Variants in FHIT observed in about 807,000 individuals in gnomAD.
FHIT encodes bis(5'-adenosyl)-triphosphatase.
In FHIT, 19 loss-of-function variants were observed where a neutral mutation model predicts 17.9. That is an observed-to-expected ratio of 1.06 (90% confidence interval 0.74 to 1.56). The LOEUF is 1.56. Ranked by LOEUF, FHIT falls within the 40% of genes most tolerant of loss-of-function variation. The pLI, the probability that FHIT is intolerant of heterozygous loss-of-function variation, is 0.00. For synonymous variants in FHIT, 81 were observed against 69.7 expected, an observed-to-expected ratio of 1.16 and a Z score of -0.81; for missense variants, 248 against 189.2, an observed-to-expected ratio of 1.31 and a Z score of -1.82.
intron 5 of FHIT, among the ~76,000 whole-genome samples, chr3:60,112,833 C>T (rs1277358676): frequency 6.6e-6 from 1 of 152,146 alleles, no homozygotes; most frequent in African/African-American, 2.4e-5. Flanking sequence ...TATGTTCTAA[C>T]AGTAGAGAAG....
chr3:59,845,537 TG>T (rs1453813512), intron 8 of FHIT, among the ~76,000 whole-genome samples: 1 of 152,140 alleles, frequency 6.6e-6, no homozygotes, highest in African/African-American at 2.4e-5. Context: ...TTAATCCAGT[TG>T]TTGCTTAAGA....
intron 4 of FHIT, among the ~76,000 whole-genome samples, chr3:60,686,781 G>A (rs2040870871): frequency 6.6e-6 from 1 of 152,194 alleles, no homozygotes; most frequent in Non-Finnish European, 1.5e-5. Context: ...GGTTCATAAG[G>A]CCAGAAAGAC....
intron 2 of FHIT, among the ~76,000 whole-genome samples, chr3:61,134,100 T>TACACACACACAC (rs150931006): frequency 0.046 from 6,250 of 134,844 alleles, 304 homozygotes; most frequent in African/African-American, 0.11. Context: ...CACACACACA[T>TACACACACACAC]ACACACACAC....
chr3:60,300,121 T>C (rs1325731532), intron 5 of FHIT, among the ~76,000 whole-genome samples: 1 of 152,096 alleles, frequency 6.6e-6, no homozygotes, highest in Non-Finnish European at 1.5e-5. Context: ...CTAGCTGATC[T>C]GACTTCTCTC....
At chr3:60,912,842 T>C in intron 3 of FHIT, 4 of 501,738 alleles carry the variant, frequency 8.0e-6, no homozygotes, top group Non-Finnish European at 4.0e-6. Flanking sequence ...CTATATAAGG[T>C]CACATTTTAA....
intron 4 of FHIT, among the ~76,000 whole-genome samples, chr3:60,805,232 C>G (rs1397978835): frequency 6.6e-6 from 1 of 152,176 alleles, no homozygotes; most frequent in Non-Finnish European, 1.5e-5. Flanking sequence ...AGAAATATGT[C>G]AATTACCACC....
chr3:60,006,717 G>T (rs998638869), intron 7 of FHIT, among the ~76,000 whole-genome samples: 1 of 151,378 alleles, frequency 6.6e-6, no homozygotes, highest in Admixed American at 6.6e-5. Flanking sequence ...AAGGTGCACA[G>T]TTAGGAAGTT....
chr3:60,501,644 C>T (rs2034529784), intron 5 of FHIT, among the ~76,000 whole-genome samples: 1 of 152,168 alleles, frequency 6.6e-6, no homozygotes, highest in African/African-American at 2.4e-5. Context: ...ATGGCAGAGT[C>T]CGGAATCTCC....
intron 8 of FHIT, among the ~76,000 whole-genome samples, chr3:59,758,265 T>C (rs982979034): frequency 1.3e-5 from 2 of 152,226 alleles, no homozygotes; most frequent in African/African-American, 4.8e-5. Context: ...GCAAGGCAAC[T>C]TGTACCCATG....
intron 4 of FHIT, among the ~76,000 whole-genome samples, chr3:60,654,189 A>G (rs895791869): frequency 6.6e-6 from 1 of 152,180 alleles, no homozygotes; most frequent in Non-Finnish European, 1.5e-5. Flanking sequence ...CTTCCTGTAA[A>G]GCCTGCAGAA....
intron 5 of FHIT, among the ~76,000 whole-genome samples, chr3:60,123,920 C>A (rs1244728872): frequency 7.1e-6 from 1 of 140,378 alleles, no homozygotes; most frequent in African/African-American, 2.7e-5. Context: ...CTATCCACGA[C>A]TTAGTTTTGT....
intron 4 of FHIT, among the ~76,000 whole-genome samples, chr3:60,679,774 T>A (rs1293694657): frequency 2.0e-5 from 3 of 152,122 alleles, no homozygotes; most frequent in Non-Finnish European, 4.4e-5. Context: ...AATATCCCCA[T>A]GCCCAATTCC....
intron 8 of FHIT, among the ~76,000 whole-genome samples, chr3:59,798,824 G>T (rs1699881039): frequency 6.6e-6 from 1 of 152,248 alleles, no homozygotes; most frequent in Non-Finnish European, 1.5e-5. Context: ...TGGTTCGAAA[G>T]AGATTTCAGA....
intron 5 of FHIT, among the ~76,000 whole-genome samples, chr3:60,386,354 T>A (rs1701011843): frequency 6.6e-6 from 1 of 152,140 alleles, no homozygotes; most frequent in African/African-American, 2.4e-5. Flanking sequence ...ATTTGAGGGA[T>A]TCAAGGACTT....
chr3:60,814,059 A>G (rs1190056109), intron 4 of FHIT, among the ~76,000 whole-genome samples: 4 of 151,814 alleles, frequency 2.6e-5, no homozygotes, highest in Non-Finnish European at 5.9e-5. Context: ...ATTTTTTTGA[A>G]TATTTATTTA....
chr3:60,756,070 A>T lies in FHIT; in HGVS notation c.-18+65849T>A, dbSNP rs146534450. ...TTGTAACCTTCACCGTTCCAAGTTC[A>T]TCTAAAAGAATAAAGAAAATACCTG... On this transcript the variant is annotated intron_variant, in intron 4 of 9. Transcript: ENST00000492590. Among the ~76,000 whole-genome samples, 410 of 152,336 alleles carry T rather than the reference A, an allele frequency of 2.7e-3. 3 individuals carry two copies. The highest frequency in any genetic ancestry group is 9.3e-3 in the African/African-American group (386 of 41,580).
intron 4 of FHIT, among the ~76,000 whole-genome samples, chr3:60,721,814 T>C (rs1400017092): frequency 1.3e-5 from 2 of 152,172 alleles, no homozygotes; most frequent in Admixed American, 1.3e-4. Flanking sequence ...AGTATTATTA[T>C]TATTATTATT....
chr3:60,468,752 G>A (rs1213139955), intron 5 of FHIT, among the ~76,000 whole-genome samples: 1 of 151,914 alleles, frequency 6.6e-6, no homozygotes, highest in Non-Finnish European at 1.5e-5. Flanking sequence ...ATTTTTCTGT[G>A]TACTTACTAT....
chr3:60,688,623 G>T (rs541958563), intron 4 of FHIT, among the ~76,000 whole-genome samples: 32 of 151,722 alleles, frequency 2.1e-4, no homozygotes, highest in African/African-American at 7.7e-4. Context: ...GTAGAGTTGG[G>T]GTTTCTCCAT....
Sources: allele counts gnomAD v4.1 joint callset (sites outside exome capture counted in the v4.1 genomes callset), GRCh38; gene constraint gnomAD v4.1.1; transcripts MANE v1.5; gene names NCBI Gene and HGNC (gene_info 2026-07-23, HGNC 2026-07-21).